Variants in EFCAB3 observed in about 807,000 individuals in gnomAD.
EFCAB3 encodes the protein EF-hand calcium binding domain 3.
EFCAB3 carries 36 observed loss-of-function variants against 42.2 expected under a neutral mutation model. The observed-to-expected ratio is 0.85, with a 90% CI of 0.65 to 1.13. The LOEUF (loss-of-function observed/expected upper bound fraction) is 1.13, where lower values mean the gene tolerates loss of function less well. Ranked by LOEUF, EFCAB3 falls within the 50% of genes most tolerant of loss-of-function variation. The pLI is 0.00. For synonymous variants in EFCAB3, 170 were observed against 172.8 expected (o/e 0.98, Z 0.13); for missense variants, 418 against 505.1 (o/e 0.83, Z 1.65).
intron 6 of EFCAB3, among the ~76,000 whole-genome samples, chr17:62,395,741 C>A (rs2070343245): frequency 6.6e-6 from 1 of 152,052 alleles, no homozygotes; most frequent in South Asian, 2.1e-4. Context: ...TAACACACAC[C>A]AACTGCATTA....
intron 5 of EFCAB3, 105 bp from the exon 6 acceptor site, chr17:62,394,963 C>G: frequency 7.0e-7 from 1 of 1,435,880 alleles, no homozygotes; most frequent in Non-Finnish European, 9.4e-7. Flanking sequence ...TACTGTACCT[C>G]TAGTTCCTGA....
chr17:62,385,547 A>C (rs1271542960), intron 2 of EFCAB3, among the ~76,000 whole-genome samples: 1 of 152,102 alleles, frequency 6.6e-6, no homozygotes, highest in Non-Finnish European at 1.5e-5. Context: ...AAGTTAGATA[A>C]AATTCCACTT....
At chr17:62,391,731 T>A (rs1031131357) in intron 3 of EFCAB3, 91 bp from the exon 4 acceptor site, 1 of 1,275,820 alleles carries the variant, frequency 7.8e-7, no homozygotes. Context: ...GAACATGATC[T>A]CCAGTCAACT....
chr17:62,398,512 A>C (rs199557938), intron 6 of EFCAB3, among the ~76,000 whole-genome samples: 28 of 111,958 alleles, frequency 2.5e-4, no homozygotes, highest in Middle Eastern at 4.8e-3. Context: ...AAAAAAAAAA[A>C]ACAAAAAATT....
At chr17:62,414,764 C>A (rs2070530584) in intron 9 of EFCAB3, among the ~76,000 whole-genome samples, 1 of 152,070 alleles carries the variant, frequency 6.6e-6, no homozygotes, top group Non-Finnish European at 1.5e-5. Context: ...TTTCCTCATT[C>A]CTCACATCTG....
intron 1 of EFCAB3, among the ~76,000 whole-genome samples, chr17:62,371,995 G>A (rs1053560015): frequency 6.6e-6 from 1 of 152,152 alleles, no homozygotes; most frequent in Non-Finnish European, 1.5e-5. Flanking sequence ...ATTTATTCAA[G>A]CAACAAATAT....
intron 8 of EFCAB3, among the ~76,000 whole-genome samples, chr17:62,407,468 A>G (rs1420401952): frequency 6.6e-6 from 1 of 152,064 alleles, no homozygotes; most frequent in African/African-American, 2.4e-5. Context: ...ATTTTCTCCA[A>G]TCCTATCTCT....
chr17:62,396,219 A>G (rs2070347353), intron 6 of EFCAB3, among the ~76,000 whole-genome samples: 2 of 152,240 alleles, frequency 1.3e-5, no homozygotes, highest in Non-Finnish European at 2.9e-5. Context: ...TATTATTATC[A>G]TGTGGAAGTA....
At chr17:62,385,664 A>G (rs542865012) in intron 2 of EFCAB3, among the ~76,000 whole-genome samples, 10 of 151,664 alleles carry the variant, frequency 6.6e-5, no homozygotes, top group Admixed American at 6.6e-5. Context: ...AAATTAATAA[A>G]CCATAATAAT....
intron 6 of EFCAB3, among the ~76,000 whole-genome samples, chr17:62,405,729 C>T (rs1194284373): frequency 6.6e-6 from 1 of 152,206 alleles, no homozygotes; most frequent in Non-Finnish European, 1.5e-5. Context: ...TTATCACATA[C>T]AGCCTGCCAG....
rs371913057 is a variant in EFCAB3, at chr17:62,382,347, T to TATATGTATAATTTG, written c.-17-607_-17-606insATTTGATATGTATA. Among the ~76,000 whole-genome samples, 1,265 of 152,314 alleles carry TATATGTATAATTTG rather than the reference T, an allele frequency of 8.3e-3. 16 individuals are homozygous for TATATGTATAATTTG. The highest frequency in any genetic ancestry group is 0.029 in the African/African-American group (1,208 of 41,568). On this transcript the variant is annotated intron_variant, in intron 1 of 9. Transcript: ENST00000305286. ...TAAGGTGTACAACTTGATAATTTGA[T>TATATGTATAATTTG]ATATGTATACATTGTTAAACAATCA...
chr17:62,412,799 T>C lies in EFCAB3; in HGVS notation c.868-933T>C, dbSNP rs184507542. ...AAAAGTCTCAATTATTAAAACAGTATGATATTAACAGACAGACCCAAGGAA... is the reference window on the plus strand; with the variant it reads ...AAAAGTCTCAATTATTAAAACAGTACGATATTAACAGACAGACCCAAGGAA... On this transcript the variant is annotated intron_variant, in intron 8 of 9. Transcript: ENST00000305286. Among the ~76,000 whole-genome samples, 269 of 150,630 alleles carry C rather than the reference T, an allele frequency of 1.8e-3. 1 individual carries two copies. Among genetic ancestry groups the C allele is most frequent in the African/African-American group, 6.2e-3 (255 of 41,038 alleles).
chr17:62,389,489 T>C (rs2070284269), intron 3 of EFCAB3, among the ~76,000 whole-genome samples: 1 of 152,180 alleles, frequency 6.6e-6, no homozygotes, highest in Non-Finnish European at 1.5e-5. Flanking sequence ...TGCTTAATCC[T>C]CACAACTTTC....
chr17:62,388,284 C>T (rs76979319), intron 3 of EFCAB3, among the ~76,000 whole-genome samples: 6,060 of 151,926 alleles, frequency 0.04, 398 homozygotes, highest in African/African-American at 0.14. Context: ...ATAGGAAAAG[C>T]ATGGAGTGTT....
intron 6 of EFCAB3, chr17:62,397,262 T>C (rs2070358101): frequency 4.3e-6 from 1 of 232,722 alleles, no homozygotes; most frequent in Non-Finnish European, 8.4e-6. Flanking sequence ...ATTTAACATA[T>C]AAATGGAGAC....
intron 8 of EFCAB3, among the ~76,000 whole-genome samples, chr17:62,409,638 T>A (rs2070477401): frequency 6.7e-6 from 1 of 150,248 alleles, no homozygotes; most frequent in African/African-American, 2.5e-5. Flanking sequence ...CAACCCCCAA[T>A]ACCTTACCCC....
At chr17:62,372,099 A>G (rs878943905) in intron 1 of EFCAB3, among the ~76,000 whole-genome samples, 3 of 152,246 alleles carry the variant, frequency 2.0e-5, no homozygotes, top group Admixed American at 2.0e-4. Context: ...ACGAAGCCCA[A>G]CTGAAAGTAG....
upstream of EFCAB3, among the ~76,000 whole-genome samples, chr17:62,379,261 T>C (rs2070175902): frequency 6.6e-6 from 1 of 151,506 alleles, no homozygotes; most frequent in South Asian, 2.1e-4. Context: ...CTACCAAAAA[T>C]ACAAAAAAGT....
intron 3 of EFCAB3, among the ~76,000 whole-genome samples, chr17:62,387,667 C>T (rs753873925): frequency 5.9e-5 from 9 of 151,930 alleles, no homozygotes; most frequent in South Asian, 4.1e-4. Context: ...AAAGAACAAA[C>T]GCAAAAAGAA....
Sources: allele counts gnomAD v4.1 joint callset (sites outside exome capture counted in the v4.1 genomes callset), GRCh38; gene constraint gnomAD v4.1.1; transcripts MANE v1.5; gene names NCBI Gene and HGNC (gene_info 2026-07-23, HGNC 2026-07-21).